CMTR1: variants seen among roughly 807,000 people sequenced by gnomAD.
CMTR1 encodes the protein cap-specific mRNA (nucleoside-2'-O-)-methyltransferase 1.
In CMTR1, 39 loss-of-function variants were observed where a neutral mutation model predicts 107.0. The ratio of observed to expected loss-of-function variants is 0.36; its 90% CI spans 0.28 to 0.48. The LOEUF (loss-of-function observed/expected upper bound fraction) is 0.48. Among genes scored for constraint, CMTR1 ranks in the 20% least tolerant of loss-of-function variants. The pLI is 0.99. For missense variants in CMTR1, 672 were observed against 1,064.9 expected, an observed-to-expected ratio of 0.63 and a Z score of 5.14; for synonymous variants, 366 against 379.5, an observed-to-expected ratio of 0.96 and a Z score of 0.41.
chr6:37,457,233 A>G (rs551324520), intron 8 of CMTR1, among the ~76,000 whole-genome samples: 3 of 151,604 alleles, frequency 2.0e-5, no homozygotes, highest in African/African-American at 7.3e-5. Flanking sequence ...AAAAAAAAAC[A>G]AAAAAACCTG....
intron 4 of CMTR1, among the ~76,000 whole-genome samples, chr6:37,448,943 AT>A (rs919758544): frequency 3.8e-4 from 58 of 151,960 alleles, no homozygotes; most frequent in African/African-American, 1.4e-3. Flanking sequence ...ACTATTTTTT[AT>A]TTTTTATTTT....
Position 37,480,961 on chromosome 6 carries a change from C to A in CMTR1, c.*816C>A. 3 of 1,264,068 alleles carry A rather than the reference C, an allele frequency of 2.4e-6. No individual in the cohort carries two copies. The Admixed American group carries it at 7.6e-5, about 32-fold the overall frequency. The allele number at this position is 1,264,068 out of a possible 1,614,324, so 78.3% of individuals were successfully genotyped here. Reference sequence around the variant, plus strand: ...GTCTTTCCCCCACAGCAGCAGGGGCCCCAGCAGTAACAAAGGGTACCTCCA... The same window carrying A: ...GTCTTTCCCCCACAGCAGCAGGGGCACCAGCAGTAACAAAGGGTACCTCCA... On this transcript the variant is annotated 3_prime_UTR_variant, in exon 24 of 24. Transcript: ENST00000373451.
chr6:37,435,625 T>C lies in CMTR1; in HGVS notation c.-5T>C. On this transcript the variant is annotated splice_region_variant and 5_prime_UTR_variant, in exon 2 of 24. Coordinates refer to ENST00000373451, the MANE Select transcript of CMTR1 (RefSeq NM_015050.3). ...GACTGACTGGATTTATGGTTACAGTTAACGATGAAGAGGAGAACTGACCCA... is the reference window on the plus strand; with the variant it reads ...GACTGACTGGATTTATGGTTACAGTCAACGATGAAGAGGAGAACTGACCCA... 6.3e-7 allele frequency: 1 copy of C among 1,594,204 alleles called. No individual in the cohort carries two copies. The highest frequency in any genetic ancestry group is 8.5e-7 in the Non-Finnish European group (1 of 1,172,122).
At chr6:37,438,750 C>T (rs1275041121) in intron 2 of CMTR1, among the ~76,000 whole-genome samples, 1 of 152,222 alleles carries the variant, frequency 6.6e-6, no homozygotes, top group Non-Finnish European at 1.5e-5. Flanking sequence ...TGCAGAAGAT[C>T]ATTTCATTAA....
At chr6:37,470,693 G>C (rs946117476) in intron 13 of CMTR1, among the ~76,000 whole-genome samples, 5 of 152,196 alleles carry the variant, frequency 3.3e-5, no homozygotes, top group African/African-American at 1.2e-4. Flanking sequence ...TACATAGGTC[G>C]AGTAAGCTTA....
At chr6:37,427,204 T>C in the CMTR1 span, among the ~76,000 whole-genome samples, 1 of 152,174 alleles carries the variant, frequency 6.6e-6, no homozygotes, top group African/African-American at 2.4e-5. This position sits in a 1 kb window ranked among gnomAD's most constrained non-coding sequence, Gnocchi z 4.4. Flanking sequence ...GCAGCCCTTA[T>C]TAGACTCCGG....
intron 13 of CMTR1, among the ~76,000 whole-genome samples, chr6:37,465,318 T>C (rs1456837692): frequency 1.3e-5 from 2 of 151,998 alleles, no homozygotes; most frequent in Non-Finnish European, 2.9e-5. Context: ...TTTATATATA[T>C]TGTTTTATTC....
intron 2 of CMTR1, among the ~76,000 whole-genome samples, chr6:37,436,703 C>T (rs1282500660): frequency 2.0e-5 from 3 of 151,968 alleles, no homozygotes; most frequent in Non-Finnish European, 2.9e-5. Flanking sequence ...ATAAGGACAT[C>T]GGTCATTGGA....
upstream of CMTR1, among the ~76,000 whole-genome samples, chr6:37,430,278 TTCTG>T (rs1457932669): frequency 6.6e-6 from 1 of 152,224 alleles, no homozygotes; most frequent in African/African-American, 2.4e-5. Flanking sequence ...GTTCCATGCA[TTCTG>T]TCTAAGGTTT....
intron 2 of CMTR1, among the ~76,000 whole-genome samples, chr6:37,438,385 G>GA (rs1042796598): frequency 3.2e-4 from 47 of 147,090 alleles, no homozygotes; most frequent in South Asian, 1.3e-3. Flanking sequence ...ATCTCAAAAA[G>GA]AAAAAAAAAA....
Position 37,476,190 on chromosome 6 carries a change from A to G in CMTR1, c.2101A>G (p.Ile701Val). 1 of 1,613,980 alleles carries G rather than the reference A, an allele frequency of 6.2e-7. No homozygotes were observed. The highest frequency in any genetic ancestry group is 8.5e-7 in the Non-Finnish European group (1 of 1,179,914). ...GCCTAGTCGGCCCGACATGAATCCC[A>G]TCAGGTGAGCATGTGGTCCCTACCC... is the stretch of plus-strand genomic sequence containing the variant. ...SKPSRPDMNP[I>V]RVKEVYRLEE... The change falls in exon 20 of 24, where the codon ATC becomes GTC. Residue 701 changes from isoleucine to valine, a missense_variant. By Grantham distance (29) the Ile-to-Val change is conservative. This residue lies in a region of CMTR1 where 583 missense variants were observed against 968.4 expected (regional missense o/e 0.60). Coordinates refer to ENST00000373451, the MANE Select transcript of CMTR1 (RefSeq NM_015050.3).
intron 20 of CMTR1, 52 bp from the exon 21 acceptor site, chr6:37,477,540 T>C: frequency 6.7e-7 from 1 of 1,502,950 alleles, no homozygotes; most frequent in East Asian, 2.3e-5. Flanking sequence ...GCCTCCTGGA[T>C]GAGAATGTCC....
intron 2 of CMTR1, among the ~76,000 whole-genome samples, chr6:37,442,240 A>G (rs907461456): frequency 1.3e-5 from 2 of 152,238 alleles, no homozygotes; most frequent in Non-Finnish European, 2.9e-5. Context: ...GTTCTGAACT[A>G]TGACAGATGT....
At chr6:37,442,969 T>C (rs556666031) in intron 2 of CMTR1, among the ~76,000 whole-genome samples, 3 of 152,356 alleles carry the variant, frequency 2.0e-5, no homozygotes, top group Non-Finnish European at 4.4e-5. Flanking sequence ...TTTTCATATT[T>C]ATTTTAAATT....
intron 8 of CMTR1, among the ~76,000 whole-genome samples, chr6:37,454,904 A>G (rs751316255): frequency 5.3e-5 from 8 of 152,118 alleles, no homozygotes; most frequent in Non-Finnish European, 8.8e-5. Flanking sequence ...AGGCCAGCAG[A>G]GACACTAGAG....
At chr6:37,430,579 C>T (rs1771348763), upstream of CMTR1, among the ~76,000 whole-genome samples, 1 of 151,924 alleles carries the variant, frequency 6.6e-6, no homozygotes, top group African/African-American at 2.4e-5. Context: ...GATTAATGCT[C>T]CCTGGGTCCC....
chr6:37,472,001 A>G lies in CMTR1; in HGVS notation c.1620+97A>G. ...TCCTGTCACCTTAGGGTGTCTCTGC[A>G]TCCAAAAATATCTGCTACCCTCACA... On this transcript the variant is annotated intron_variant, in intron 15 of 23. Coordinates refer to ENST00000373451, the MANE Select transcript of CMTR1 (RefSeq NM_015050.3). The surrounding 1 kb of genome is among the most constrained non-coding windows in gnomAD (Gnocchi z 4.1). 1 of 1,030,484 alleles carries G rather than the reference A, an allele frequency of 9.7e-7. No individual in the cohort carries two copies. The highest frequency in any genetic ancestry group is 1.4e-6 in the Non-Finnish European group (1 of 696,682). 63.8% of individuals were successfully genotyped at this position (1,030,484 alleles called of 1,614,324 possible).
In CMTR1 at chr6:37,480,397, C is replaced by T; in HGVS notation, c.*252C>T. Reference sequence around the variant, plus strand: ...CCAGGACTCAGCCTGAAGGAAGCTGCTCCTGAGGCAGGTATGAGGTCAGTG... The same window carrying T: ...CCAGGACTCAGCCTGAAGGAAGCTGTTCCTGAGGCAGGTATGAGGTCAGTG... On this transcript the variant is annotated 3_prime_UTR_variant, in exon 24 of 24. Transcript: ENST00000373451. The T allele has an allele frequency of 7.6e-7, 1 of 1,317,082 alleles. No homozygotes were observed. Among genetic ancestry groups the T allele is most frequent in the South Asian group, 1.8e-5 (1 of 54,136 alleles). The allele number at this position is 1,317,082 out of a possible 1,614,324, so 81.6% of individuals were successfully genotyped here.
chr6:37,475,707 G>A (rs760785120), intron 19 of CMTR1: 32 of 520,776 alleles, frequency 6.1e-5, no homozygotes, highest in African/African-American at 1.7e-4. Context: ...GTGACCTTGC[G>A]GGTAGAGGGG....
Sources: gnomAD v4.1 joint callset for allele counts (sites outside exome capture counted in the v4.1 genomes callset) on GRCh38, gnomAD v4.1.1 for gene constraint, gnomAD v4.1.1 regional missense constraint, Gnocchi (gnomAD v3.1) non-coding constraint, MANE v1.5 for transcripts, NCBI Gene and HGNC (gene_info 2026-07-23, HGNC 2026-07-21) for gene names.